TSHZ1: variants seen among roughly 807,000 people sequenced by gnomAD.
TSHZ1 encodes teashirt zinc finger homeobox 1.
A neutral mutation model predicts 67.1 loss-of-function variants in TSHZ1; 12 were observed. That is an observed-to-expected ratio of 0.18 (90% CI 0.11 to 0.29). The LOEUF (loss-of-function observed/expected upper bound fraction) is 0.29. Among genes scored for constraint, TSHZ1 ranks in the 10% least tolerant of loss-of-function variants. The pLI, the probability that TSHZ1 is intolerant of heterozygous loss-of-function variation, is 1.00. For missense variants in TSHZ1, 1,305 were observed against 1,413.9 expected, an observed-to-expected ratio of 0.92 and a Z score of 1.23; for synonymous variants, 632 against 622.4, an observed-to-expected ratio of 1.02 and a Z score of -0.23.
At position 75,264,151 on chromosome 18, in the gene TSHZ1, C is replaced by A. The variant is rs558366735; in HGVS notation, c.41-21297C>A. Among the ~76,000 whole-genome samples the A allele has an allele frequency of 3.9e-5, 6 of 152,312 alleles. No homozygotes were observed. In the South Asian group the frequency reaches 1.0e-3, roughly 26 times the overall value. On this transcript the variant is annotated intron_variant, in intron 1 of 1. Transcript: ENST00000580243. ...GCCACTCATTTATAAGATGATAGTA[C>A]AATAATCAGAAGTATGTGTTAAAAA...
chr18:75,216,160 G>C (rs1462199350), intron 1 of TSHZ1, among the ~76,000 whole-genome samples: 2 of 152,158 alleles, frequency 1.3e-5, no homozygotes, highest in Non-Finnish European at 2.9e-5. Flanking sequence ...TTTGAATGAA[G>C]ACCGAAATAT....
chr18:75,286,451 C>T lies in TSHZ1; in HGVS notation c.1044C>T (p.Val348=), dbSNP rs548226770. 1 of 1,614,184 alleles carries T rather than the reference C, an allele frequency of 6.2e-7. No individual in the cohort carries two copies. The highest frequency in any genetic ancestry group is 8.5e-7 in the Non-Finnish European group (1 of 1,180,030). ...CAGTGCCAGCCATCACCAAACTGGT[C>T]CCCTCCACCAAAAAGCGGGCGCTTC... is the stretch of plus-strand genomic sequence containing the variant. ...KEPVPAITKL[V]PSTKKRALQD... is the part of the protein sequence containing the mutation. The change falls in exon 2 of 2, where the codon GTC becomes GTT. Residue 348 remains valine, a synonymous_variant. Transcript: ENST00000580243. This position sits in a 1 kb window ranked among gnomAD's most constrained non-coding sequence, Gnocchi z 5.1.
rs771834081 is a variant in TSHZ1 at position 75,285,928 on chromosome 18, C to T, written c.521C>T (p.Thr174Met). 4.2e-5 allele frequency: 65 copies of T among 1,545,954 alleles called. No individual in the cohort carries two copies. Among genetic ancestry groups the T allele is most frequent in the South Asian group, 7.1e-5 (6 of 84,314 alleles). ...PVSTTGPTTS[T>M]PSTSCSSSTS... ...AGCACCACTGGCCCCACCACGAGCA[C>T]GCCCAGCACCAGCTGCAGCTCCAGC... Residue 174 changes from threonine to methionine, a missense_variant, in exon 2 of 2, where the codon ACG (threonine) becomes ATG (methionine). This residue lies in a region of TSHZ1 where 358 missense variants were observed against 375.6 expected (regional missense o/e 0.95). Transcript: ENST00000580243.
At chr18:75,231,656 A>T (rs1012785254) in intron 1 of TSHZ1, among the ~76,000 whole-genome samples, 7 of 150,400 alleles carry the variant, frequency 4.7e-5, no homozygotes, top group East Asian at 2.0e-4. Flanking sequence ...TGCCTCAGCC[A>T]CCTGAGTAGC....
chr18:75,287,359 A>G lies in TSHZ1; in HGVS notation c.1952A>G (p.Asn651Ser), dbSNP rs1018105040. The change falls in exon 2 of 2, where the codon AAC (asparagine) becomes AGC (serine). Residue 651 changes from asparagine (N) to serine (S), a missense_variant. Around this residue, in one of 3 missense-constraint regions of TSHZ1, gnomAD observed 909 missense variants for 961.8 expected, o/e 0.95. Coordinates refer to ENST00000580243, the MANE Select transcript of TSHZ1 (RefSeq NM_001308210.2). This position sits in a 1 kb window ranked among gnomAD's most constrained non-coding sequence, Gnocchi z 5.0. ...ELVEKVTGKV[N>S]IKKEERPPEK... ...GTGGAGAAGGTCACGGGCAAGGTCA[A>G]CATCAAGAAGGAGGAGAGACCCCCT... 6.2e-7 allele frequency: 1 copy of G among 1,614,144 alleles called. No homozygotes were observed. The highest frequency in any genetic ancestry group is 8.5e-7 in the Non-Finnish European group (1 of 1,180,044).
intron 1 of TSHZ1, among the ~76,000 whole-genome samples, chr18:75,260,089 T>G (rs2023411972): frequency 1.3e-5 from 2 of 152,208 alleles, no homozygotes; most frequent in South Asian, 4.1e-4. Flanking sequence ...CCTAACCTTG[T>G]GAATTAGTAA....
chr18:75,254,386 A>G (rs1024024855), intron 1 of TSHZ1, among the ~76,000 whole-genome samples: 3 of 152,248 alleles, frequency 2.0e-5, no homozygotes, highest in Non-Finnish European at 4.4e-5. Context: ...GCAGAAACCT[A>G]TTAATTACCA....
At chr18:75,271,423 C>G (rs979034671) in intron 1 of TSHZ1, among the ~76,000 whole-genome samples, 6 of 152,192 alleles carry the variant, frequency 3.9e-5, no homozygotes, top group African/African-American at 1.4e-4. Flanking sequence ...TCTCGCTTCA[C>G]TCAAGGATGC....
intron 1 of TSHZ1, among the ~76,000 whole-genome samples, chr18:75,230,991 T>G (rs190486789): frequency 6.6e-6 from 1 of 152,190 alleles, no homozygotes; most frequent in Non-Finnish European, 1.5e-5. Flanking sequence ...AGTTCCCTTG[T>G]GGGGAAAAAC....
chr18:75,264,447 A>T (rs1475892038), intron 1 of TSHZ1, among the ~76,000 whole-genome samples: 1 of 149,776 alleles, frequency 6.7e-6, no homozygotes, highest in East Asian at 2.0e-4. Context: ...CATCAACCTC[A>T]TGCTTAGCGT....
intron 1 of TSHZ1, among the ~76,000 whole-genome samples, chr18:75,215,671 A>G (rs1262481367): frequency 1.3e-5 from 2 of 152,218 alleles, no homozygotes; most frequent in East Asian, 3.8e-4. Flanking sequence ...AATGATGTTG[A>G]TTGGATGAGT....
chr18:75,254,052 G>A (rs2023335967), intron 1 of TSHZ1, among the ~76,000 whole-genome samples: 1 of 152,214 alleles, frequency 6.6e-6, no homozygotes. Flanking sequence ...TCCTGTGTTT[G>A]GGGTAGTTTT....
intron 1 of TSHZ1, among the ~76,000 whole-genome samples, chr18:75,248,038 C>A (rs1471139117): frequency 6.6e-6 from 1 of 151,956 alleles, no homozygotes; most frequent in Non-Finnish European, 1.5e-5. Flanking sequence ...AGCGCACTAG[C>A]CAAATAATTT....
chr18:75,263,434 A>G (rs1034877094), intron 1 of TSHZ1, among the ~76,000 whole-genome samples: 1 of 152,244 alleles, frequency 6.6e-6, no homozygotes, highest in African/African-American at 2.4e-5. Context: ...ATCAATAATC[A>G]ATATATTCTC....
intron 1 of TSHZ1, among the ~76,000 whole-genome samples, chr18:75,238,643 G>C (rs80205964): frequency 0.01 from 1,560 of 151,924 alleles, 34 homozygotes; most frequent in African/African-American, 0.036. Flanking sequence ...AGTGCTGGGG[G>C]AGGAGCTAGG....
chr18:75,261,526 C>A (rs1398924724), intron 1 of TSHZ1, among the ~76,000 whole-genome samples: 1 of 152,232 alleles, frequency 6.6e-6, no homozygotes, highest in Non-Finnish European at 1.5e-5. Context: ...AGCCACAGAG[C>A]AAGAGGGTGG....
At chr18:75,260,992 C>T (rs1447752793) in intron 1 of TSHZ1, among the ~76,000 whole-genome samples, 2 of 152,030 alleles carry the variant, frequency 1.3e-5, no homozygotes, top group Non-Finnish European at 2.9e-5. Context: ...CTGTGGATCT[C>T]GGCCAGGAGG....
intron 1 of TSHZ1, among the ~76,000 whole-genome samples, chr18:75,251,129 C>T (rs116455036): frequency 0.016 from 2,402 of 152,202 alleles, 64 homozygotes; most frequent in African/African-American, 0.054. Flanking sequence ...AAAATAATTT[C>T]GAACTAGAAA....
rs199773721 is a variant in TSHZ1, at chr18:75,287,089, C to T, written c.1682C>T (p.Thr561Met). ...ILKSLENTVS[T>M]AISKAQNGAP... is the part of the protein sequence containing the mutation. Reference sequence around the variant, plus strand: ...AAGTCCCTGGAGAATACCGTCTCCACGGCCATTAGCAAAGCTCAGAATGGT... The same window carrying T: ...AAGTCCCTGGAGAATACCGTCTCCATGGCCATTAGCAAAGCTCAGAATGGT... The change falls in exon 2 of 2, where the codon ACG becomes ATG. Residue 561 changes from threonine to methionine, a missense_variant. Thr to Met is a moderately conservative substitution (Grantham distance 81, BLOSUM62 -1). Around this residue, in one of 3 missense-constraint regions of TSHZ1, gnomAD observed 909 missense variants for 961.8 expected, o/e 0.95. Transcript: ENST00000580243. The surrounding 1 kb of genome is among the most constrained non-coding windows in gnomAD (Gnocchi z 5.0). 2.8e-5 allele frequency: 45 copies of T among 1,614,146 alleles called. No individual in the cohort carries two copies. The Middle Eastern group carries it at 4.9e-4, about 18-fold the overall frequency.
Sources: gnomAD v4.1 joint callset for allele counts (sites outside exome capture counted in the v4.1 genomes callset) on GRCh38, gnomAD v4.1.1 for gene constraint, gnomAD v4.1.1 regional missense constraint, Gnocchi (gnomAD v3.1) non-coding constraint, MANE v1.5 for transcripts, NCBI Gene and HGNC (gene_info 2026-07-23, HGNC 2026-07-21) for gene names.